Variants in PLGRKT observed in about 807,000 individuals in gnomAD.
PLGRKT encodes the protein plasminogen receptor (KT).
In PLGRKT, 22 loss-of-function variants were observed where a neutral mutation model predicts 18.5. The ratio of observed to expected loss-of-function variants is 1.19; its 90% confidence interval spans 0.85 to 1.70. The LOEUF is 1.70. Ranked by LOEUF, PLGRKT falls within the 40% of genes most tolerant of loss-of-function variation. PLGRKT has a pLI of 0.00. For missense variants in PLGRKT, 235 were observed against 174.4 expected (o/e 1.35, Z -1.96); for synonymous variants, 72 against 52.8 (o/e 1.36, Z -1.58).
At chr9:5,369,245 T>G (rs929970812) in intron 3 of PLGRKT, among the ~76,000 whole-genome samples, 4 of 151,932 alleles carry the variant, frequency 2.6e-5, no homozygotes, top group Admixed American at 2.0e-4. Flanking sequence ...ACAGAGAACT[T>G]AAATTTACAA....
At chr9:5,436,449 G>A (rs1452874920) in intron 2 of PLGRKT, 120 bp downstream of exon 2, 4 of 152,248 alleles carry the variant, frequency 2.6e-5, no homozygotes, top group East Asian at 1.9e-4. Context: ...ATATCACAGA[G>A]CTGTGTGCTT....
intron 3 of PLGRKT, among the ~76,000 whole-genome samples, chr9:5,416,262 G>C (rs76630748): frequency 0.013 from 2,024 of 151,970 alleles, 41 homozygotes; most frequent in African/African-American, 0.047. Flanking sequence ...TCTCTCTCTA[G>C]AAATCCTCCT....
intron 3 of PLGRKT, among the ~76,000 whole-genome samples, chr9:5,385,984 T>C (rs2131101722): frequency 6.6e-6 from 1 of 151,950 alleles, no homozygotes; most frequent in Non-Finnish European, 1.5e-5. Flanking sequence ...GGATTCCTTA[T>C]GTCAGACTTC....
chr9:5,360,955 C>T (rs933494783), intron 5 of PLGRKT, 123 bp downstream of exon 5: 7 of 605,824 alleles, frequency 1.2e-5, no homozygotes, highest in Non-Finnish European at 1.8e-5. Context: ...AGAAATGTTG[C>T]TCATTGGAGG....
At chr9:5,407,778 C>G (rs556237003) in intron 3 of PLGRKT, among the ~76,000 whole-genome samples, 1 of 152,172 alleles carries the variant, frequency 6.6e-6, no homozygotes, top group Admixed American at 6.5e-5. Flanking sequence ...TAGATAGGAT[C>G]TTGAAATAAT....
intron 3 of PLGRKT, among the ~76,000 whole-genome samples, chr9:5,410,613 G>A (rs909997590): frequency 3.3e-5 from 5 of 152,126 alleles, no homozygotes; most frequent in African/African-American, 1.2e-4. Flanking sequence ...GCAGGGTTGG[G>A]AAAATTATGT....
chr9:5,391,147 T>C lies in PLGRKT; in HGVS notation c.82-29259A>G, dbSNP rs78815837. ...TGACTTAAATGGTTAAATGCATGTG[T>C]GTGCATAAAGCATCATTAACTTTAT... On this transcript the variant is annotated intron_variant, in intron 3 of 5. Coordinates refer to ENST00000223864, the MANE Select transcript of PLGRKT (RefSeq NM_018465.4). Among the ~76,000 whole-genome samples, 1,178 of 152,116 alleles carry C rather than the reference T, an allele frequency of 7.7e-3. 56 individuals are homozygous for C. In the East Asian group the frequency reaches 0.14, roughly 18 times the overall value.
At chr9:5,401,061 T>C (rs1354171713) in intron 3 of PLGRKT, among the ~76,000 whole-genome samples, 4 of 151,886 alleles carry the variant, frequency 2.6e-5, no homozygotes, top group Admixed American at 1.3e-4. Flanking sequence ...AATTTTACTT[T>C]TTAAGGAAAA....
intron 3 of PLGRKT, among the ~76,000 whole-genome samples, chr9:5,401,745 G>C (rs1438384690): frequency 6.6e-6 from 1 of 151,918 alleles, no homozygotes; most frequent in African/African-American, 2.4e-5. Flanking sequence ...GTGAAGATAA[G>C]AGTTGTAGTT....
At chr9:5,413,414 T>A (rs1369089799) in intron 3 of PLGRKT, among the ~76,000 whole-genome samples, 2 of 152,192 alleles carry the variant, frequency 1.3e-5, no homozygotes, top group Admixed American at 6.5e-5. Flanking sequence ...TAGATCTGAC[T>A]CAGCTCAGGA....
chr9:5,433,735 G>C (rs1189665542), intron 2 of PLGRKT, among the ~76,000 whole-genome samples: 1 of 143,086 alleles, frequency 7.0e-6, no homozygotes, highest in African/African-American at 2.7e-5. Flanking sequence ...CATCGTCTGG[G>C]ATGTGAGGAG....
At chr9:5,438,280 C>T (rs910953920), upstream of PLGRKT, among the ~76,000 whole-genome samples, 11 of 152,228 alleles carry the variant, frequency 7.2e-5, no homozygotes, top group African/African-American at 2.2e-4. Context: ...TCGCCTCAAC[C>T]TCACCAGCAA....
chr9:5,409,398 G>T (rs535578770), intron 3 of PLGRKT, among the ~76,000 whole-genome samples: 90 of 152,282 alleles, frequency 5.9e-4, no homozygotes, highest in South Asian at 1.0e-3. Flanking sequence ...CTCCCGTGCT[G>T]GATGCTTCCT....
intron 3 of PLGRKT, among the ~76,000 whole-genome samples, chr9:5,362,658 T>C (rs1817292892): frequency 6.6e-6 from 1 of 152,134 alleles, no homozygotes. Context: ...TAGAGGGCAA[T>C]ACACAGGGAG....
chr9:5,433,181 C>T (rs147176839), intron 2 of PLGRKT, among the ~76,000 whole-genome samples: 2,218 of 149,632 alleles, frequency 0.015, 35 homozygotes, highest in African/African-American at 0.045. Context: ...TGCCTCTGCC[C>T]GGCCGCCACC....
intron 5 of PLGRKT, 90 bp from the exon 6 acceptor site, chr9:5,358,450 T>A: frequency 9.2e-7 from 1 of 1,082,690 alleles, no homozygotes; most frequent in Non-Finnish European, 1.4e-6. Context: ...TGACAGGCTC[T>A]AACACCGTAT....
intron 2 of PLGRKT, among the ~76,000 whole-genome samples, chr9:5,435,386 G>A (rs886167928): frequency 6.7e-6 from 1 of 149,206 alleles, no homozygotes; most frequent in African/African-American, 2.5e-5. Context: ...TATTCTTCCT[G>A]TCATCCCACC....
Position 5,418,428 on chromosome 9 carries a change from G to C in PLGRKT, c.81+13469C>G. Reference sequence around the variant, plus strand: ...TGCAGGACATGTTATGGAGCACGATGCTGAGGAGGAAGACCAAGACGCAAG... The same window carrying C: ...TGCAGGACATGTTATGGAGCACGATCCTGAGGAGGAAGACCAAGACGCAAG... On this transcript the variant is annotated intron_variant, in intron 3 of 5. Coordinates refer to ENST00000223864, the MANE Select transcript of PLGRKT (RefSeq NM_018465.4). The surrounding 1 kb of genome is among the most constrained non-coding windows in gnomAD (Gnocchi z 4.2). 1.1e-6 allele frequency: 1 copy of C among 898,406 alleles called. No individual in the cohort carries two copies. The highest frequency in any genetic ancestry group is 1.3e-5 in the South Asian group (1 of 76,670). 55.7% of individuals were successfully genotyped at this position (898,406 alleles called of 1,614,324 possible).
intron 5 of PLGRKT, among the ~76,000 whole-genome samples, chr9:5,360,509 C>T (rs1817240043): frequency 6.6e-6 from 1 of 151,976 alleles, no homozygotes; most frequent in Non-Finnish European, 1.5e-5. Context: ...ATTTTTCAAC[C>T]CCTGGTCCAG....
Sources: gnomAD v4.1 joint callset for allele counts (sites outside exome capture counted in the v4.1 genomes callset) on GRCh38, gnomAD v4.1.1 for gene constraint, Gnocchi (gnomAD v3.1) non-coding constraint, MANE v1.5 for transcripts, NCBI Gene and HGNC (gene_info 2026-07-23, HGNC 2026-07-21) for gene names.